CATSPERE: variants seen among roughly 807,000 people sequenced by gnomAD.
CATSPERE encodes the protein cation channel sperm-associated auxiliary subunit epsilon.
CATSPERE carries 93 observed loss-of-function variants against 114.1 expected under a neutral mutation model. That is an observed-to-expected ratio of 0.81 (90% CI 0.69 to 0.97). The LOEUF is 0.97. Ranked by LOEUF, CATSPERE falls within the 50% of genes least tolerant of loss-of-function variation. The pLI, the probability that CATSPERE is intolerant of heterozygous loss-of-function variation, is 0.00. For synonymous variants in CATSPERE, 341 were observed against 384.1 expected (o/e 0.89, Z 1.31); for missense variants, 1,058 against 1,131.6 (o/e 0.93, Z 0.93).
intron 5 of CATSPERE, among the ~76,000 whole-genome samples, chr1:244,483,517 C>T (rs553895144): frequency 8.5e-5 from 13 of 152,170 alleles, no homozygotes; most frequent in African/African-American, 3.1e-4. Context: ...TTAATTTTTC[C>T]AGTCTACTAG....
At chr1:244,497,700 G>C (rs533746286) in intron 6 of CATSPERE, among the ~76,000 whole-genome samples, 8 of 152,174 alleles carry the variant, frequency 5.3e-5, no homozygotes, top group African/African-American at 1.9e-4. Flanking sequence ...GGGAAGCTGA[G>C]GCAGGAAAAT....
At chr1:244,545,352 G>A (rs1659579718) in intron 8 of CATSPERE, among the ~76,000 whole-genome samples, 1 of 152,202 alleles carries the variant, frequency 6.6e-6, no homozygotes, top group Non-Finnish European at 1.5e-5. Context: ...ATTTGGGATT[G>A]TTATGCTGGG....
At chr1:244,543,975 A>G (rs1416094572) in intron 8 of CATSPERE, among the ~76,000 whole-genome samples, 1 of 152,170 alleles carries the variant, frequency 6.6e-6, no homozygotes, top group Non-Finnish European at 1.5e-5. Context: ...GAAAGCCTAC[A>G]ACATGAAAGT....
intron 11 of CATSPERE, among the ~76,000 whole-genome samples, chr1:244,574,276 C>T (rs1664908012): frequency 6.6e-6 from 1 of 152,092 alleles, no homozygotes; most frequent in Admixed American, 6.6e-5. Context: ...GCACGTCCAG[C>T]ACAGATATCT....
In CATSPERE at chr1:244,481,447, A is replaced by C. The variant is rs544283458; in HGVS notation, c.326+1663A>C. 3.9e-5 allele frequency among the ~76,000 whole-genome samples: 6 copies of C among 152,322 alleles called. No individual in the cohort carries two copies. In the East Asian group the frequency reaches 1.2e-3, roughly 29 times the overall value. On this transcript the variant is annotated intron_variant, in intron 5 of 21. Transcript: ENST00000366534. ...GCCTTGGCAGCAAGAGCAAAACTCC[A>C]TCTCAAAATAAATAAATAAACAAAT...
intron 5 of CATSPERE, among the ~76,000 whole-genome samples, chr1:244,484,141 C>T (rs1418884047): frequency 6.6e-6 from 1 of 152,084 alleles, no homozygotes; most frequent in Non-Finnish European, 1.5e-5. Context: ...CTGTTCTGTT[C>T]AGCTGATCTA....
intron 8 of CATSPERE, among the ~76,000 whole-genome samples, chr1:244,522,694 A>G (rs1677796611): frequency 6.6e-6 from 1 of 152,224 alleles, no homozygotes; most frequent in African/African-American, 2.4e-5. Context: ...CCATCAGAGA[A>G]TACTACAAAC....
At chr1:244,457,822 C>T (rs1210435088), upstream of CATSPERE, among the ~76,000 whole-genome samples, 2 of 152,140 alleles carry the variant, frequency 1.3e-5, no homozygotes, top group African/African-American at 4.8e-5. Flanking sequence ...AAAAATCATA[C>T]AGGAAGCATT....
At chr1:244,578,254 T>C (rs1437970348) in intron 11 of CATSPERE, among the ~76,000 whole-genome samples, 1 of 152,164 alleles carries the variant, frequency 6.6e-6, no homozygotes, top group Non-Finnish European at 1.5e-5. Flanking sequence ...CCTGGTTCAA[T>C]TGATCTTCCT....
At chr1:244,515,482 C>A (rs1407407218) in intron 7 of CATSPERE, among the ~76,000 whole-genome samples, 1 of 152,226 alleles carries the variant, frequency 6.6e-6, no homozygotes, top group Non-Finnish European at 1.5e-5. Flanking sequence ...ATCCTCAGAT[C>A]TAGAACTAGA....
intron 6 of CATSPERE, among the ~76,000 whole-genome samples, chr1:244,492,554 T>C (rs1672390063): frequency 6.6e-6 from 1 of 150,614 alleles, no homozygotes; most frequent in Non-Finnish European, 1.5e-5. Flanking sequence ...ATGCCCTCTC[T>C]CACCACTCCT....
rs766744409 is a variant in CATSPERE, at chr1:244,573,133, C to T, written c.1950+361C>T. ...CTTAGAACAACAACCAATTCTGGGC[C>T]GGGCATGGTGGCTCACACCTGTAAT... is the stretch of plus-strand genomic sequence containing the variant. On this transcript the variant is annotated intron_variant, in intron 11 of 21. Coordinates refer to ENST00000366534, the MANE Select transcript of CATSPERE (RefSeq NM_001130957.2). The surrounding 1 kb of genome is among the most constrained non-coding windows in gnomAD (Gnocchi z 4.0). Among the ~76,000 whole-genome samples the T allele has an allele frequency of 5.9e-5, 9 of 152,052 alleles. No individual in the cohort carries two copies. Among genetic ancestry groups the T allele is most frequent in the African/African-American group, 9.6e-5 (4 of 41,480 alleles).
chr1:244,515,670 A>G (rs1676494156), intron 7 of CATSPERE, among the ~76,000 whole-genome samples: 1 of 152,196 alleles, frequency 6.6e-6, no homozygotes, highest in Non-Finnish European at 1.5e-5. Flanking sequence ...CATGGAAGCC[A>G]AGTAAGAATG....
chr1:244,466,737 A>G (rs901471527), intron 2 of CATSPERE, among the ~76,000 whole-genome samples: 1 of 152,196 alleles, frequency 6.6e-6, no homozygotes, highest in Non-Finnish European at 1.5e-5. Context: ...AGGTTTATCA[A>G]TAGTCAAAAA....
upstream of CATSPERE, among the ~76,000 whole-genome samples, chr1:244,461,189 T>C (rs1666683128): frequency 1.3e-5 from 2 of 152,200 alleles, no homozygotes; most frequent in South Asian, 4.1e-4. Flanking sequence ...GTTCTGCCTT[T>C]CCTAAAATCT....
At chr1:244,525,318 A>C (rs1572562188) in intron 8 of CATSPERE, among the ~76,000 whole-genome samples, 4 of 126,544 alleles carry the variant, frequency 3.2e-5, no homozygotes, top group Non-Finnish European at 1.6e-5. Context: ...GAAAGGGAAC[A>C]TCACACTCTG....
At chr1:244,490,591 T>C in intron 6 of CATSPERE, 120 bp downstream of exon 6, 1 of 666,794 alleles carries the variant, frequency 1.5e-6, no homozygotes, top group Non-Finnish European at 2.6e-6. Context: ...GATATTTGCT[T>C]AGAGTATACC....
At chr1:244,510,977 G>A (rs1312996967) in intron 7 of CATSPERE, among the ~76,000 whole-genome samples, 1 of 150,494 alleles carries the variant, frequency 6.6e-6, no homozygotes, top group Non-Finnish European at 1.5e-5. Flanking sequence ...CCGAGTAGCT[G>A]GGATTATAGG....
intron 9 of CATSPERE, among the ~76,000 whole-genome samples, chr1:244,559,777 A>G (rs970286987): frequency 8.5e-5 from 13 of 152,310 alleles, no homozygotes; most frequent in Middle Eastern, 3.4e-3. Context: ...TGATAAATAC[A>G]CAAAGAGAAG....
Sources: gnomAD v4.1 joint callset for allele counts (sites outside exome capture counted in the v4.1 genomes callset) on GRCh38, gnomAD v4.1.1 for gene constraint, Gnocchi (gnomAD v3.1) non-coding constraint, MANE v1.5 for transcripts, NCBI Gene and HGNC (gene_info 2026-07-23, HGNC 2026-07-21) for gene names.